ATN1: variants seen among roughly 807,000 people sequenced by gnomAD.
The protein encoded by ATN1 is atrophin-1.
In ATN1, 19 loss-of-function variants were observed where a neutral mutation model predicts 85.8. The ratio of observed to expected loss-of-function variants is 0.22; its 90% CI spans 0.15 to 0.32. The LOEUF (loss-of-function observed/expected upper bound fraction) is 0.32, where lower values mean the gene tolerates loss of function less well. ATN1 is among the 10% of genes least tolerant of loss of function. The pLI is 1.00. For missense variants in ATN1, 1,453 were observed against 1,564.5 expected, an observed-to-expected ratio of 0.93 and a Z score of 1.20; for synonymous variants, 674 against 657.0, an observed-to-expected ratio of 1.03 and a Z score of -0.39.
upstream of ATN1, among the ~76,000 whole-genome samples, chr12:6,926,375 C>T (rs2138196299): frequency 6.6e-6 from 1 of 152,224 alleles, no homozygotes; most frequent in East Asian, 1.9e-4. Context: ...CTCACTCCTC[C>T]AAGCTGTATC....
chr12:6,931,074 A>T (rs1157057877), intron 1 of ATN1, among the ~76,000 whole-genome samples: 1 of 152,074 alleles, frequency 6.6e-6, no homozygotes, highest in Non-Finnish European at 1.5e-5. Flanking sequence ...GCTAGTTTTT[A>T]TCAGATTTCA....
At chr12:6,927,664 C>T (rs376254419), upstream of ATN1, among the ~76,000 whole-genome samples, 7 of 151,882 alleles carry the variant, frequency 4.6e-5, no homozygotes, top group African/African-American at 9.7e-5. Context: ...CTCTCTCCCC[C>T]CTCGCGGCTT....
intron 1 of ATN1, among the ~76,000 whole-genome samples, chr12:6,933,066 C>T (rs782673068): frequency 2.0e-5 from 3 of 152,202 alleles, no homozygotes; most frequent in South Asian, 2.1e-4. Context: ...GTCACAATCA[C>T]AATCTTTGAG....
rs1945623418 is a variant in ATN1, at chr12:6,940,793, G to T, written c.3215-87G>T. The T allele has an allele frequency of 2.0e-6, 3 of 1,536,378 alleles. No homozygotes were observed. The Admixed American group carries it at 5.0e-5, about 26-fold the overall frequency. On this transcript the variant is annotated intron_variant, in intron 7 of 9. Coordinates refer to ENST00000396684, the MANE Select transcript of ATN1 (RefSeq NM_001940.4). ...GACCTCCTTGTGTTTGTCTGACTCA[G>T]TTCCCAGGCTTGGATCCCTTCACCC... is the stretch of plus-strand genomic sequence containing the variant.
chr12:6,925,117 C>CGTGTGT (rs376981297), upstream of ATN1, among the ~76,000 whole-genome samples: 3,777 of 143,754 alleles, frequency 0.026, 91 homozygotes, highest in East Asian at 0.058. Flanking sequence ...TGTGCGTGTG[C>CGTGTGT]GTGTGTGTGT....
Position 6,936,042 on chromosome 12 carries a change from C to A in ATN1, c.775C>A (p.Pro259Thr), listed in dbSNP as rs1180778212. 1.3e-6 allele frequency: 2 copies of A among 1,575,556 alleles called. No homozygotes were observed. Among genetic ancestry groups the A allele is most frequent in the Non-Finnish European group, 1.7e-6 (2 of 1,161,592 alleles). ...GGKQHPPPTT[P>T]ISVSSSGASG... ...TAAGCAGCACCCCCCACCCACTACTCCCATTTCAGTATCAAGCTCTGGGGC... is the reference window on the plus strand; with the variant it reads ...TAAGCAGCACCCCCCACCCACTACTACCATTTCAGTATCAAGCTCTGGGGC... The change falls in exon 5 of 10, where the codon CCC becomes ACC. Residue 259 changes from proline to threonine, a missense_variant. This residue lies in a region of ATN1 where 990 missense variants were observed against 914.8 expected (regional missense o/e 1.08). Transcript: ENST00000396684.
chr12:6,925,135 TGTGTGTGAGA>T (rs1273899486), upstream of ATN1, among the ~76,000 whole-genome samples: 1 of 147,474 alleles, frequency 6.8e-6, no homozygotes, highest in African/African-American at 2.7e-5. Context: ...TGTGTGTGTG[TGTGTGTGAGA>T]GAGAGAGAGA....
In ATN1 at chr12:6,937,941, C is replaced by G. The variant is rs970884427; in HGVS notation, c.2391C>G (p.Ala797=). 6.3e-7 allele frequency: 1 copy of G among 1,586,498 alleles called. No homozygotes were observed. Among genetic ancestry groups the G allele is most frequent in the Non-Finnish European group, 8.6e-7 (1 of 1,167,150 alleles). The change falls in exon 6 of 10, where the codon GCC becomes GCG. Residue 797 remains alanine, a synonymous_variant. Transcript: ENST00000396684. The surrounding 1 kb of genome is among the most constrained non-coding windows in gnomAD (Gnocchi z 6.0). Reference sequence around the variant, plus strand: ...GCTCCAAGCTGGCCAAGAAGCGGGCCGACCTGGTGGAGAAGGTGCGGCGCG... The same window carrying G: ...GCTCCAAGCTGGCCAAGAAGCGGGCGGACCTGGTGGAGAAGGTGCGGCGCG... ...LEGSKLAKKR[A]DLVEKVRREA...
In ATN1 at chr12:6,940,872, C is replaced by G; in HGVS notation, c.3215-8C>G. ...TCTGGTGACACCTTCCTCTTCTCTG[C>G]CCTCCAGCCTCTGCCTCGGTGCACC... On this transcript the variant is annotated splice_region_variant and splice_polypyrimidine_tract_variant and intron_variant, in intron 7 of 9. Coordinates refer to ENST00000396684, the MANE Select transcript of ATN1 (RefSeq NM_001940.4). 6.2e-7 allele frequency: 1 copy of G among 1,614,170 alleles called. No individual in the cohort carries two copies. Among genetic ancestry groups the G allele is most frequent in the Non-Finnish European group, 8.5e-7 (1 of 1,180,026 alleles).
chr12:6,938,025 A>AGAGCGCGAGCGCGAGAAG lies in ATN1; in HGVS notation c.2486_2503dup (p.Arg829_Glu834dup), dbSNP rs1367398901. On this transcript the variant is annotated inframe_insertion, in exon 6 of 10. Transcript: ENST00000396684. The stretch of plus-strand genomic sequence containing the variant: ...GCGAGCGCGAGCGGGAACGCGAGAA[A>AGAGCGCGAGCGCGAGAAG]GAGCGCGAGCGCGAGAAGGAGCGCG... 2.9e-4 allele frequency: 453 copies of AGAGCGCGAGCGCGAGAAG among 1,545,854 alleles called. No individual in the cohort carries two copies. The highest frequency in any genetic ancestry group is 7.5e-4 in the Admixed American group (38 of 50,510).
rs149776786 is a variant in ATN1 at position 6,937,674 on chromosome 12, C to G, written c.2294+113C>G. ...GCGCTGGTGTAGTGTTTTAGAAAAGCACGCCCCTCTCCTCCGTCCAGGCCT... is the reference window on the plus strand; with the variant it reads ...GCGCTGGTGTAGTGTTTTAGAAAAGGACGCCCCTCTCCTCCGTCCAGGCCT... On this transcript the variant is annotated intron_variant, in intron 5 of 9. Transcript: ENST00000396684. This position sits in a 1 kb window ranked among gnomAD's most constrained non-coding sequence, Gnocchi z 6.0. 1.2e-3 allele frequency: 1,642 copies of G among 1,426,938 alleles called. 18 individuals carry two copies. In the African/African-American group the frequency reaches 0.021, roughly 18 times the overall value. 88.4% of individuals were successfully genotyped at this position (1,426,938 alleles called of 1,614,324 possible). A position where few individuals can be genotyped will look rare whatever the true frequency, so the allele number is the denominator to read the frequency against.
At position 6,941,001 on chromosome 12, in the gene ATN1, A is replaced by C; in HGVS notation, c.3336A>C (p.Glu1112Asp). ...PLLPHPLHEN[E>D]VLRHQLFAAP... ...TTCCTCACCCTCTGCACGAGAACGA[A>C]GTTCTTCGTCACCAGCTCTTTGGTA... is the stretch of plus-strand genomic sequence containing the variant. Residue 1112 changes from glutamate (E) to aspartate (D), a missense_variant, in exon 8 of 10, where the codon GAA becomes GAC. Glu to Asp is a conservative substitution (Grantham distance 45). This residue lies in a region of ATN1 where 118 missense variants were observed against 163.7 expected (regional missense o/e 0.72). Coordinates refer to ENST00000396684, the MANE Select transcript of ATN1 (RefSeq NM_001940.4). The surrounding 1 kb of genome is among the most constrained non-coding windows in gnomAD (Gnocchi z 5.9). 6.2e-7 allele frequency: 1 copy of C among 1,614,118 alleles called. No individual in the cohort carries two copies. Among genetic ancestry groups the C allele is most frequent in the African/African-American group, 1.3e-5 (1 of 75,020 alleles).
rs1945529972 is a variant in ATN1, at chr12:6,936,168, C to T, written c.901C>T (p.Leu301=). 2 of 1,542,180 alleles carry T rather than the reference C, an allele frequency of 1.3e-6. No individual in the cohort carries two copies. Among genetic ancestry groups the T allele is most frequent in the Non-Finnish European group, 1.7e-6 (2 of 1,144,528 alleles). ...CAACTTCCCCCATGTGACACCGAAC[C>T]TGCCTCCCCCACCTGCCCTGAGACC... The part of the protein sequence containing the change: ...PANFPHVTPN[L]PPPPALRPLN... The change falls in exon 5 of 10, where the codon CTG becomes TTG. Residue 301 remains leucine, a synonymous_variant. Transcript: ENST00000396684.
At chr12:6,939,284 G>A in intron 7 of ATN1, 107 bp downstream of exon 7, 1 of 1,419,518 alleles carries the variant, frequency 7.0e-7, no homozygotes, top group Non-Finnish European at 9.3e-7. Flanking sequence ...GGCCTGGCAT[G>A]AACCTTTCCT....
At chr12:6,933,221 CTT>C (rs782089414) in intron 1 of ATN1, among the ~76,000 whole-genome samples, 8 of 144,356 alleles carry the variant, frequency 5.5e-5, no homozygotes, top group Admixed American at 1.4e-4. Context: ...TTTCTTTTTT[CTT>C]TTTTTTTTTT....
In ATN1 at chr12:6,935,911, C is replaced by G; in HGVS notation, c.644C>G (p.Pro215Arg). The G allele has an allele frequency of 6.2e-7, 1 of 1,609,874 alleles. No homozygotes were observed. The highest frequency in any genetic ancestry group is 8.5e-7 in the Non-Finnish European group (1 of 1,177,546). Residue 215 changes from proline to arginine, a missense_variant, in exon 5 of 10, where the codon CCT becomes CGT. Physicochemically the swap from Pro to Arg is moderately radical, Grantham distance 103 (BLOSUM62 -2). This residue lies in a region of ATN1 where 990 missense variants were observed against 914.8 expected (regional missense o/e 1.08). Coordinates refer to ENST00000396684, the MANE Select transcript of ATN1 (RefSeq NM_001940.4). The surrounding 1 kb of genome is among the most constrained non-coding windows in gnomAD (Gnocchi z 5.3). ...CAGGCTCCTCCTGGGGCCCCTCCCC[C>G]TCACCCACAGCTCTATCCTGGGGGC... ...MFQAPPGAPP[P>R]HPQLYPGGTG...
rs372821137 is a variant in ATN1, at chr12:6,941,783, C to T, written c.*3C>T. On this transcript the variant is annotated 3_prime_UTR_variant, in exon 10 of 10. Coordinates refer to ENST00000396684, the MANE Select transcript of ATN1 (RefSeq NM_001940.4). The surrounding 1 kb of genome is among the most constrained non-coding windows in gnomAD (Gnocchi z 5.9). Reference sequence around the variant, plus strand: ...AGGAAAGCGACAAGCCACTGTAGAACCTGCGATCAAGAGAGCACCATGGCT... The same window carrying T: ...AGGAAAGCGACAAGCCACTGTAGAATCTGCGATCAAGAGAGCACCATGGCT... 6.2e-7 allele frequency: 1 copy of T among 1,613,984 alleles called. No individual in the cohort carries two copies. Among genetic ancestry groups the T allele is most frequent in the Non-Finnish European group, 8.5e-7 (1 of 1,179,862 alleles).
In ATN1 at chr12:6,939,074, C is replaced by T; in HGVS notation, c.3111C>T (p.Asp1037=). 6.2e-7 allele frequency: 1 copy of T among 1,604,026 alleles called. No homozygotes were observed. The highest frequency in any genetic ancestry group is 8.5e-7 in the Non-Finnish European group (1 of 1,179,970). Residue 1037 remains aspartate (D), a synonymous_variant, in exon 7 of 10, where the codon GAC becomes GAT. Transcript: ENST00000396684. ...AAAGGGTGGCGGCCCTGGGCAATGA[C>T]CCACTGGCCCGGCTGCAGATGCTCA... is the stretch of plus-strand genomic sequence containing the variant. ...HAERVAALGN[D]PLARLQMLNV...
upstream of ATN1, among the ~76,000 whole-genome samples, chr12:6,925,360 G>T (rs1945389768): frequency 6.6e-6 from 1 of 152,174 alleles, no homozygotes; most frequent in South Asian, 2.1e-4. Flanking sequence ...TTTGGAAAGG[G>T]CTTGAGCCAA....
Sources: gnomAD v4.1 joint callset for allele counts (sites outside exome capture counted in the v4.1 genomes callset) on GRCh38, gnomAD v4.1.1 for gene constraint, gnomAD v4.1.1 regional missense constraint, Gnocchi (gnomAD v3.1) non-coding constraint, MANE v1.5 for transcripts, NCBI Gene and HGNC (gene_info 2026-07-23, HGNC 2026-07-21) for gene names.